The following PCDH15 variants were observed in gnomAD, a reference collection of about 807,000 sequenced individuals.
PCDH15 encodes protocadherin related 15.
In PCDH15, 129 loss-of-function variants were observed where a neutral mutation model predicts 178.5. The ratio of observed to expected loss-of-function variants is 0.72; its 90% CI spans 0.63 to 0.84. The LOEUF (loss-of-function observed/expected upper bound fraction) is 0.84, where lower values mean the gene tolerates loss of function less well. Ranked by LOEUF, PCDH15 falls within the 40% of genes least tolerant of loss-of-function variation. The probability of loss-of-function intolerance (pLI) is 0.00; values close to 1 mark genes in which losing one functional copy is unlikely to be tolerated. For synonymous variants in PCDH15, 800 were observed against 732.0 expected (o/e 1.09, Z -1.50); for missense variants, 2,230 against 2,099.9 (o/e 1.06, Z -1.21).
chr10:55,494,145 ATGT>A (rs1840482838), intron 2 of PCDH15, among the ~76,000 whole-genome samples: 3 of 151,806 alleles, frequency 2.0e-5, no homozygotes, highest in Non-Finnish European at 2.9e-5. Context: ...TTTGTTTATA[ATGT>A]TGCTCCAGTC....
At chr10:54,600,488 T>A in intron 2 of PCDH15, 2 of 576,788 alleles carry the variant, frequency 3.5e-6, no homozygotes, top group South Asian at 2.8e-5. Context: ...GAAGATAAAG[T>A]GGTGGTGACC....
intron 21 of PCDH15, among the ~76,000 whole-genome samples, chr10:53,987,817 ACTT>A (rs1477072237): frequency 1.3e-5 from 2 of 151,880 alleles, no homozygotes; most frequent in African/African-American, 4.8e-5. Flanking sequence ...TCCATTGAAA[ACTT>A]CTTTTCACCT....
intron 10 of PCDH15, 112 bp downstream of exon 10, chr10:54,213,824 C>G: frequency 1.5e-6 from 1 of 682,970 alleles, no homozygotes; most frequent in Admixed American, 2.4e-5. Flanking sequence ...TGACTGACTG[C>G]TGTCCACATT....
chr10:54,596,924 C>G (rs942139857), intron 2 of PCDH15, among the ~76,000 whole-genome samples: 1 of 152,140 alleles, frequency 6.6e-6, no homozygotes, highest in East Asian at 1.9e-4. Flanking sequence ...GCACCTAACA[C>G]AGAAACATTC....
Position 54,169,872 on chromosome 10 carries a change from C to T in PCDH15, c.1590+13572G>A, listed in dbSNP as rs568642387. 4.6e-5 allele frequency among the ~76,000 whole-genome samples: 7 copies of T among 151,790 alleles called. No individual in the cohort carries two copies. In the East Asian group the frequency reaches 1.2e-3, roughly 25 times the overall value. The stretch of plus-strand genomic sequence containing the variant: ...TTCACCTGTCCTAAAACCAGATAAG[C>T]CTTACAAGTTAGTTCAGAATCTGCG... On this transcript the variant is annotated intron_variant, in intron 13 of 37. Transcript: ENST00000644397.
intron 2 of PCDH15, among the ~76,000 whole-genome samples, chr10:55,052,893 A>G (rs551994176): frequency 6.6e-6 from 1 of 152,312 alleles, no homozygotes; most frequent in East Asian, 1.9e-4. Context: ...TAGAAAGAGC[A>G]TCACAGTAAA....
chr10:54,313,445 T>G (rs991078589), intron 8 of PCDH15, among the ~76,000 whole-genome samples: 1 of 151,992 alleles, frequency 6.6e-6, no homozygotes, highest in Non-Finnish European at 1.5e-5. Flanking sequence ...TGACCAAAAA[T>G]TTGCCCATAC....
At chr10:54,353,880 A>T (rs1944545263) in intron 5 of PCDH15, among the ~76,000 whole-genome samples, 1 of 152,198 alleles carries the variant, frequency 6.6e-6, no homozygotes, top group Admixed American at 6.5e-5. Context: ...ATAAAAAAAG[A>T]ATTATTACTG....
At position 54,923,874 on chromosome 10, in the gene PCDH15, C is replaced by A. The variant is rs1473803901; in HGVS notation, c.-79-26374G>T. On this transcript the variant is annotated intron_variant, in intron 2 of 5. Coordinates refer to the PCDH15 transcript ENST00000458638. ...AGTCTTCTGAGCCCTCCAAACGATT[C>A]CAACCTCTCACCATTACCCAGTTCA... Among the ~76,000 whole-genome samples the A allele has an allele frequency of 6.5e-5, 9 of 137,954 alleles. No individual in the cohort carries two copies. In the East Asian group the frequency reaches 1.8e-3, roughly 28 times the overall value. The allele number at this position is 137,954 out of a possible 152,430, so 90.5% of individuals were successfully genotyped here. A position where few individuals can be genotyped will look rare whatever the true frequency, so the allele number is the denominator to read the frequency against.
At chr10:54,512,676 A>T (rs1381625072) in intron 3 of PCDH15, among the ~76,000 whole-genome samples, 1 of 152,138 alleles carries the variant, frequency 6.6e-6, no homozygotes, top group Non-Finnish European at 1.5e-5. Flanking sequence ...TTTAAATAAA[A>T]ATATTTACTC....
chr10:54,995,417 A>T (rs1486581601), intron 2 of PCDH15, among the ~76,000 whole-genome samples: 1 of 151,746 alleles, frequency 6.6e-6, no homozygotes, highest in Non-Finnish European at 1.5e-5. Flanking sequence ...GAAGGAAAAA[A>T]ATTATCTTAC....
rs376397573 is a variant in PCDH15, at chr10:55,189,602, T to G, written c.-155-22951A>C. Among the ~76,000 whole-genome samples the G allele has an allele frequency of 1.1e-4, 17 of 152,044 alleles. 1 individual carries two copies. The East Asian group carries it at 2.9e-3, about 26-fold the overall frequency. Reference sequence around the variant, plus strand: ...GCAGAACTTCTATAAGCTTTATGTTTAAGAACTTTGTTTTACATAAACTAT... The same window carrying G: ...GCAGAACTTCTATAAGCTTTATGTTGAAGAACTTTGTTTTACATAAACTAT... On this transcript the variant is annotated intron_variant, in intron 1 of 5. Transcript: ENST00000458638.
intron 2 of PCDH15, among the ~76,000 whole-genome samples, chr10:54,571,261 T>G (rs2089790191): frequency 6.7e-6 from 1 of 148,498 alleles, no homozygotes. Flanking sequence ...GCAGAGATCT[T>G]GGCAAATGAG....
intron 3 of PCDH15, among the ~76,000 whole-genome samples, chr10:54,463,079 A>G (rs899242373): frequency 1.3e-5 from 2 of 152,140 alleles, no homozygotes; most frequent in Admixed American, 6.6e-5. Flanking sequence ...TGTTCATATC[A>G]GTACTCAATG....
At chr10:55,567,083 T>C (rs952070586) in intron 2 of PCDH15, among the ~76,000 whole-genome samples, 1 of 151,974 alleles carries the variant, frequency 6.6e-6, no homozygotes, top group African/African-American at 2.4e-5. Flanking sequence ...AAGACAGACA[T>C]ATGGACCGGT....
rs909848099 is a variant in PCDH15, at chr10:54,166,704, A to G, written c.1591-13411T>C. 3.9e-5 allele frequency among the ~76,000 whole-genome samples: 6 copies of G among 152,320 alleles called. No individual in the cohort carries two copies. In the South Asian group the frequency reaches 1.0e-3, roughly 26 times the overall value. On this transcript the variant is annotated intron_variant, in intron 13 of 37. Transcript: ENST00000644397. ...CAGGCCTCTGAGCCCAAGCCAAGCC[A>G]TCGCATCCCCTGTGACTTGCACTTA...
At chr10:54,763,208 G>T (rs528498579) in intron 1 of PCDH15, among the ~76,000 whole-genome samples, 40 of 152,232 alleles carry the variant, frequency 2.6e-4, no homozygotes, top group African/African-American at 9.4e-4. Flanking sequence ...CGGGGAAAAA[G>T]AAACGCAGGG....
At chr10:54,093,897 A>G (rs1260779286) in intron 15 of PCDH15, among the ~76,000 whole-genome samples, 2 of 152,168 alleles carry the variant, frequency 1.3e-5, no homozygotes, top group Non-Finnish European at 2.9e-5. Flanking sequence ...TATTTTCCAT[A>G]ATATAAGAGA....
chr10:54,989,859 C>A (rs1433864222), intron 2 of PCDH15, among the ~76,000 whole-genome samples: 1 of 152,104 alleles, frequency 6.6e-6, no homozygotes, highest in African/African-American at 2.4e-5. Flanking sequence ...ATTCTCACAT[C>A]TTGTGGGAGG....
Sources: gnomAD v4.1 joint callset for allele counts (sites outside exome capture counted in the v4.1 genomes callset) on GRCh38, gnomAD v4.1.1 for gene constraint, MANE v1.5 for transcripts, NCBI Gene and HGNC (gene_info 2026-07-23, HGNC 2026-07-21) for gene names.